Variants in SYT1 observed in about 807,000 individuals in gnomAD.
SYT1 encodes synaptotagmin-1.
SYT1 carries 8 observed loss-of-function variants against 44.8 expected under a neutral mutation model. The ratio of observed to expected loss-of-function variants is 0.18; its 90% CI spans 0.10 to 0.32. The LOEUF is 0.32. Ranked by LOEUF, SYT1 falls within the 10% of genes least tolerant of loss-of-function variation. The probability of loss-of-function intolerance (pLI) is 1.00; values close to 1 mark genes in which losing one functional copy is unlikely to be tolerated. For missense variants in SYT1, 286 were observed against 509.3 expected (o/e 0.56, Z 4.22); for synonymous variants, 154 against 188.8 (o/e 0.82, Z 1.51).
intron 4 of SYT1, among the ~76,000 whole-genome samples, chr12:79,270,137 A>G (rs1423172709): frequency 2.0e-5 from 3 of 152,196 alleles, no homozygotes; most frequent in Non-Finnish European, 4.4e-5. Context: ...AAACAGCCCC[A>G]AAAGCAAGAC....
At chr12:79,310,714 T>C (rs1275620085) in intron 8 of SYT1, among the ~76,000 whole-genome samples, 2 of 152,220 alleles carry the variant, frequency 1.3e-5, no homozygotes, top group Non-Finnish European at 2.9e-5. Flanking sequence ...GTAGTTCTCC[T>C]TGAAGAGGTC....
chr12:79,254,157 G>A (rs936453972), intron 4 of SYT1, among the ~76,000 whole-genome samples: 2 of 152,186 alleles, frequency 1.3e-5, no homozygotes, highest in Non-Finnish European at 2.9e-5. Context: ...GACTTTCATA[G>A]CTAGAGAGAA....
At position 79,044,995 on chromosome 12, in the gene SYT1, C is replaced by A. The variant is rs546816723; in HGVS notation, c.-83-2302C>A. ...CTGCCCGTTCTCAGATCTGCAGCTG[C>A]GTGCTGGGAGAACCACTGCTCTCTT... On this transcript the variant is annotated intron_variant, in intron 2 of 10. Coordinates refer to ENST00000261205, the MANE Select transcript of SYT1 (RefSeq NM_005639.3). Among the ~76,000 whole-genome samples, 5 of 152,210 alleles carry A rather than the reference C, an allele frequency of 3.3e-5. No homozygotes were observed. The South Asian group carries it at 1.0e-3, about 32-fold the overall frequency.
At chr12:78,866,397 A>G (rs1873545834) in intron 1 of SYT1, among the ~76,000 whole-genome samples, 1 of 152,228 alleles carries the variant, frequency 6.6e-6, no homozygotes, top group Admixed American at 6.5e-5. Flanking sequence ...CTAGAAAGAT[A>G]CCCTAAATTT....
At chr12:79,044,916 G>A (rs1021177050) in intron 2 of SYT1, among the ~76,000 whole-genome samples, 2 of 152,300 alleles carry the variant, frequency 1.3e-5, no homozygotes, top group Admixed American at 1.3e-4. Flanking sequence ...CCCTGCTGGG[G>A]GGTGCCTCCC....
At chr12:78,955,537 A>G (rs1879163506) in intron 1 of SYT1, 1 of 152,232 alleles carries the variant, frequency 6.6e-6, no homozygotes, top group African/African-American at 2.4e-5. Context: ...TATGGTGGTA[A>G]CTTCTATATG....
chr12:78,871,909 A>G (rs1289794671), intron 1 of SYT1, among the ~76,000 whole-genome samples: 2 of 151,748 alleles, frequency 1.3e-5, no homozygotes, highest in East Asian at 1.9e-4. Context: ...ATTTTAACCA[A>G]TGTTCAGAAT....
At chr12:79,122,133 A>C (rs1383053600) in intron 3 of SYT1, among the ~76,000 whole-genome samples, 1 of 152,228 alleles carries the variant, frequency 6.6e-6, no homozygotes, top group Non-Finnish European at 1.5e-5. Flanking sequence ...GTAAACTCTC[A>C]TTTCTTCAAA....
At chr12:78,925,582 G>T (rs1182029144) in intron 1 of SYT1, among the ~76,000 whole-genome samples, 2 of 151,848 alleles carry the variant, frequency 1.3e-5, no homozygotes, top group East Asian at 3.9e-4. Flanking sequence ...ATTCCCAAAA[G>T]TCAGAACCAT....
chr12:79,275,666 G>A (rs566628513), intron 4 of SYT1, among the ~76,000 whole-genome samples: 4 of 152,148 alleles, frequency 2.6e-5, no homozygotes, highest in South Asian at 2.1e-4. Flanking sequence ...TCCTCCAGCC[G>A]CCTCTATCAG....
chr12:79,319,360 A>G (rs1335539927), intron 8 of SYT1, among the ~76,000 whole-genome samples: 1 of 152,136 alleles, frequency 6.6e-6, no homozygotes, highest in Non-Finnish European at 1.5e-5. Flanking sequence ...ATTATCCCCA[A>G]TTTATAGGCA....
rs1279528287 is a variant in SYT1 at position 79,198,519 on chromosome 12, A to ATAAAATACTTATATCAAT, written c.-17-18984_-17-18983insTAAAATACTTATATCAAT. On this transcript the variant is annotated intron_variant, in intron 3 of 10. Transcript: ENST00000261205. ...AATTGATTTTATGCAATACACAGAA[A>ATAAAATACTTATATCAAT]ACAAGTATTTTATTGATATAAGTGG... 3.0e-3 allele frequency among the ~76,000 whole-genome samples: 459 copies of ATAAAATACTTATATCAAT among 152,344 alleles called. 3 individuals carry two copies. Among genetic ancestry groups the ATAAAATACTTATATCAAT allele is most frequent in the Non-Finnish European group, 2.4e-3 (161 of 68,028 alleles).
At chr12:78,884,009 A>G (rs1475322558) in intron 1 of SYT1, among the ~76,000 whole-genome samples, 1 of 140,298 alleles carries the variant, frequency 7.1e-6, no homozygotes, top group Non-Finnish European at 1.6e-5. Context: ...AAATTATTCC[A>G]TAAAATTATT....
At chr12:79,018,975 A>G (rs983399255) in intron 2 of SYT1, among the ~76,000 whole-genome samples, 1 of 152,100 alleles carries the variant, frequency 6.6e-6, no homozygotes, top group African/African-American at 2.4e-5. Flanking sequence ...TATTCTGCTC[A>G]GCACATACGT....
chr12:79,349,039 A>AAGAAAGAAAG lies in SYT1; in HGVS notation c.811-4461_811-4452dup, dbSNP rs1555219963. Among the ~76,000 whole-genome samples the AAGAAAGAAAG allele has an allele frequency of 4.0e-3, 567 of 140,062 alleles. 4 individuals are homozygous for AAGAAAGAAAG. The highest frequency in any genetic ancestry group is 0.026 in the East Asian group (124 of 4,732). 91.9% of individuals were successfully genotyped at this position (140,062 alleles called of 152,430 possible). A position where few individuals can be genotyped will look rare whatever the true frequency, so the allele number is the denominator to read the frequency against. On this transcript the variant is annotated intron_variant, in intron 8 of 10. Coordinates refer to ENST00000261205, the MANE Select transcript of SYT1 (RefSeq NM_005639.3). ...AGAAAGAAAGAAAGAAAGAAAAAGA[A>AAGAAAGAAAG]AGAAAGAAAGAAAGAAAGGAGGGAG...
intron 3 of SYT1, among the ~76,000 whole-genome samples, chr12:79,052,599 T>C (rs1008848946): frequency 3.9e-5 from 6 of 152,166 alleles, no homozygotes; most frequent in African/African-American, 1.2e-4. Context: ...ATTTTTGCAA[T>C]CTACTCATCT....
At chr12:79,370,432 A>G (rs1371657012) in intron 9 of SYT1, among the ~76,000 whole-genome samples, 1 of 152,230 alleles carries the variant, frequency 6.6e-6, no homozygotes, top group Non-Finnish European at 1.5e-5. Flanking sequence ...TTCCCATTTT[A>G]GTTCCCAAAC....
chr12:79,179,631 G>T (rs1872392411), intron 3 of SYT1, among the ~76,000 whole-genome samples: 1 of 151,008 alleles, frequency 6.6e-6, no homozygotes, highest in Admixed American at 6.6e-5. Context: ...TGTGGGTCAG[G>T]CTGGTCTCAA....
chr12:79,413,683 T>C (rs1381100705), intron 9 of SYT1, among the ~76,000 whole-genome samples: 1 of 152,168 alleles, frequency 6.6e-6, no homozygotes, highest in Non-Finnish European at 1.5e-5. Context: ...GAGTAGTTAA[T>C]TCTTTGCAAG....
Sources: gnomAD v4.1 joint callset for allele counts (sites outside exome capture counted in the v4.1 genomes callset) on GRCh38, gnomAD v4.1.1 for gene constraint, MANE v1.5 for transcripts, NCBI Gene and HGNC (gene_info 2026-07-23, HGNC 2026-07-21) for gene names.